Variants in ZHX2 observed in about 807,000 individuals in gnomAD.
ZHX2 encodes zinc fingers and homeoboxes 2.
ZHX2 carries 6 observed loss-of-function variants against 21.9 expected under a neutral mutation model. The ratio of observed to expected loss-of-function variants is 0.27; its 90% CI spans 0.15 to 0.54. ZHX2 has a LOEUF of 0.54. Among genes scored for constraint, ZHX2 ranks in the 20% least tolerant of loss-of-function variants. ZHX2 has a pLI of 0.95. For synonymous variants in ZHX2, 434 were observed against 437.1 expected (o/e 0.99, Z 0.09); for missense variants, 908 against 1,090.7 (o/e 0.83, Z 2.36).
chr8:122,821,127 G>T (rs922605784), intron 1 of ZHX2, among the ~76,000 whole-genome samples: 1 of 152,190 alleles, frequency 6.6e-6, no homozygotes, highest in East Asian at 1.9e-4. Context: ...CAATGTTCTC[G>T]CGAATTCTAG....
At chr8:122,790,027 A>G (rs1248621367) in intron 1 of ZHX2, among the ~76,000 whole-genome samples, 1 of 152,200 alleles carries the variant, frequency 6.6e-6, no homozygotes, top group Admixed American at 6.5e-5. Context: ...AGAACGGAGA[A>G]CTTGCATTCG....
At chr8:122,848,417 T>G (rs1325140671) in intron 1 of ZHX2, among the ~76,000 whole-genome samples, 3 of 152,102 alleles carry the variant, frequency 2.0e-5, no homozygotes, top group Non-Finnish European at 4.4e-5. Flanking sequence ...AGTGGCTCCC[T>G]CCACTGACCT....
intron 1 of ZHX2, among the ~76,000 whole-genome samples, chr8:122,836,203 CG>C (rs1818491988): frequency 6.6e-6 from 1 of 152,290 alleles, no homozygotes; most frequent in East Asian, 1.9e-4. Flanking sequence ...TGACACACAC[CG>C]GAACCTTCTT....
At chr8:122,920,988 A>G (rs1302841855) in intron 2 of ZHX2, among the ~76,000 whole-genome samples, 2 of 152,028 alleles carry the variant, frequency 1.3e-5, no homozygotes, top group African/African-American at 4.8e-5. Context: ...TCGGTTTCAG[A>G]TTGAGTTTCC....
At position 122,953,823 on chromosome 8, in the gene ZHX2, G is replaced by A. The variant is rs770885564; in HGVS notation, c.2313G>A (p.Arg771=). Residue 771 remains arginine (R), a synonymous_variant, in exon 3 of 4, where the codon CGG becomes CGA. Coordinates refer to ENST00000314393, the MANE Select transcript of ZHX2 (RefSeq NM_014943.5). This position sits in a 1 kb window ranked among gnomAD's most constrained non-coding sequence, Gnocchi z 4.6. ...AGCCCTCAGAGGCCACCTCAGACCGGTCAGAGGGCAGCAGCCGGGACGGCC... is the reference window on the plus strand; with the variant it reads ...AGCCCTCAGAGGCCACCTCAGACCGATCAGAGGGCAGCAGCCGGGACGGCC... ...PAKPSEATSD[R]SEGSSRDGQG... The A allele has an allele frequency of 6.2e-7, 1 of 1,614,248 alleles. No homozygotes were observed. The highest frequency in any genetic ancestry group is 1.3e-5 in the African/African-American group (1 of 75,074).
intron 1 of ZHX2, among the ~76,000 whole-genome samples, chr8:122,856,958 C>G (rs1056494742): frequency 1.3e-5 from 2 of 152,160 alleles, no homozygotes; most frequent in African/African-American, 2.4e-5. Context: ...AGATCTGGCT[C>G]TGCTCTTTCT....
At chr8:122,786,108 A>T (rs1433697485) in intron 1 of ZHX2, among the ~76,000 whole-genome samples, 19 of 152,224 alleles carry the variant, frequency 1.2e-4, no homozygotes, top group Admixed American at 6.5e-4. Flanking sequence ...TCCAAACTTA[A>T]CCTGATGTGA....
At chr8:122,831,476 AAGCGC>A (rs1398095872) in intron 1 of ZHX2, among the ~76,000 whole-genome samples, 3 of 152,172 alleles carry the variant, frequency 2.0e-5, no homozygotes, top group Non-Finnish European at 4.4e-5. Flanking sequence ...AAGAAGAACG[AAGCGC>A]CCTTCTTTGA....
chr8:122,844,465 A>G (rs146946561), intron 1 of ZHX2, among the ~76,000 whole-genome samples: 11 of 152,364 alleles, frequency 7.2e-5, no homozygotes, highest in African/African-American at 2.6e-4. Context: ...GATCATGGAT[A>G]TAAAAGTATC....
At chr8:122,921,087 G>GT (rs1448439548) in intron 2 of ZHX2, among the ~76,000 whole-genome samples, 5 of 151,704 alleles carry the variant, frequency 3.3e-5, no homozygotes, top group Non-Finnish European at 7.4e-5. Context: ...TTTTGTTTTT[G>GT]TTTTTTTGAG....
intron 2 of ZHX2, among the ~76,000 whole-genome samples, chr8:122,945,403 GATC>G (rs955669969): frequency 8.5e-6 from 1 of 117,596 alleles, no homozygotes; most frequent in African/African-American, 3.4e-5. Context: ...TATGTAGACT[GATC>G]ATTTCTCTTT....
intron 1 of ZHX2, chr8:122,815,864 G>A (rs1276721036): frequency 6.6e-6 from 1 of 152,112 alleles, no homozygotes; most frequent in East Asian, 1.9e-4. Context: ...TGAGGTGGAC[G>A]GAACACCTGA....
chr8:122,834,217 T>C lies in ZHX2; in HGVS notation c.-282-29260T>C, dbSNP rs141372533. 8.9e-3 allele frequency among the ~76,000 whole-genome samples: 1,348 copies of C among 152,258 alleles called. 17 individuals are homozygous for C. The highest frequency in any genetic ancestry group is 0.031 in the African/African-American group (1,292 of 41,556). On this transcript the variant is annotated intron_variant, in intron 1 of 3. Coordinates refer to ENST00000314393, the MANE Select transcript of ZHX2 (RefSeq NM_014943.5). ...CCATCAGGGTTACCCTTGGCTTGGA[T>C]GAAGTGATGGTAGTTGCCAGGGCGT...
intron 2 of ZHX2, among the ~76,000 whole-genome samples, chr8:122,878,281 C>T (rs183439790): frequency 2.6e-5 from 4 of 152,264 alleles, no homozygotes; most frequent in East Asian, 3.9e-4. Context: ...GACAACTGCC[C>T]ACAAACCTCA....
intron 1 of ZHX2, among the ~76,000 whole-genome samples, chr8:122,792,965 G>A (rs558272703): frequency 1.3e-5 from 2 of 152,258 alleles, no homozygotes; most frequent in Middle Eastern, 3.4e-3. Context: ...CACTGTTGTG[G>A]GGGTGAACAC....
At chr8:122,916,282 G>T (rs560893290) in intron 2 of ZHX2, among the ~76,000 whole-genome samples, 3 of 152,226 alleles carry the variant, frequency 2.0e-5, no homozygotes, top group Non-Finnish European at 4.4e-5. Flanking sequence ...GCTGGGCAGG[G>T]TGACCCGGCC....
intron 1 of ZHX2, among the ~76,000 whole-genome samples, chr8:122,838,081 C>G (rs957190266): frequency 6.6e-6 from 1 of 152,190 alleles, no homozygotes; most frequent in African/African-American, 2.4e-5. Context: ...ATAAGAGCCC[C>G]GTCTGGGTGT....
At chr8:122,958,291 T>C (rs1032277280) in intron 3 of ZHX2, among the ~76,000 whole-genome samples, 3 of 152,236 alleles carry the variant, frequency 2.0e-5, no homozygotes, top group African/African-American at 7.2e-5. Flanking sequence ...TGTGTTGTCT[T>C]GATTCAGTCC....
intron 2 of ZHX2, among the ~76,000 whole-genome samples, chr8:122,890,978 G>A (rs190202942): frequency 1.3e-5 from 2 of 152,094 alleles, no homozygotes; most frequent in African/African-American, 4.8e-5. Context: ...TTGCATCCAT[G>A]TTCACCAGGT....
Sources: gnomAD v4.1 joint callset for allele counts (sites outside exome capture counted in the v4.1 genomes callset) on GRCh38, gnomAD v4.1.1 for gene constraint, Gnocchi (gnomAD v3.1) non-coding constraint, MANE v1.5 for transcripts, NCBI Gene and HGNC (gene_info 2026-07-23, HGNC 2026-07-21) for gene names.